The following SLC9A9 variants were observed in gnomAD, a reference collection of about 807,000 sequenced individuals.
SLC9A9 encodes the protein solute carrier family 9 member A9, also known as sodium/hydrogen exchanger 9.
A neutral mutation model predicts 77.8 loss-of-function variants in SLC9A9; 62 were observed. The ratio of observed to expected loss-of-function variants is 0.80; its 90% CI spans 0.65 to 0.98. SLC9A9 has a LOEUF of 0.98. SLC9A9 is among the 50% of genes least tolerant of loss of function. The pLI, the probability that SLC9A9 is intolerant of heterozygous loss-of-function variation, is 0.00. For missense variants in SLC9A9, 775 were observed against 774.9 expected, an observed-to-expected ratio of 1.00 and a Z score of 0.00; for synonymous variants, 320 against 283.5, an observed-to-expected ratio of 1.13 and a Z score of -1.29.
At chr3:143,656,511 G>T (rs58758962) in intron 5 of SLC9A9, among the ~76,000 whole-genome samples, 16,324 of 152,150 alleles carry the variant, frequency 0.11, 1,055 homozygotes, top group African/African-American at 0.16. Context: ...TCTTTAGGGT[G>T]ATTTAGTGAC....
At chr3:143,302,502 A>G (rs1335060039) in intron 14 of SLC9A9, among the ~76,000 whole-genome samples, 1 of 152,212 alleles carries the variant, frequency 6.6e-6, no homozygotes, top group African/African-American at 2.4e-5. Flanking sequence ...GATGCAGGAA[A>G]GGCTGGGAGT....
intron 6 of SLC9A9, among the ~76,000 whole-genome samples, chr3:143,610,280 C>T (rs2038003524): frequency 6.6e-6 from 1 of 152,110 alleles, no homozygotes; most frequent in Non-Finnish European, 1.5e-5. Context: ...TCCCCATTAG[C>T]TGGGACTACA....
chr3:143,705,429 A>G (rs1933944420), intron 4 of SLC9A9, among the ~76,000 whole-genome samples: 1 of 152,156 alleles, frequency 6.6e-6, no homozygotes, highest in Non-Finnish European at 1.5e-5. Flanking sequence ...TTGATTATAC[A>G]TTTTTAAATA....
intron 6 of SLC9A9, 93 bp downstream of exon 6, chr3:143,652,162 G>C: frequency 9.8e-7 from 1 of 1,024,922 alleles, no homozygotes; most frequent in South Asian, 1.4e-5. Context: ...AAAAGCTAGA[G>C]ACTGCCCGTA....
chr3:143,687,225 AAAT>A lies in SLC9A9; in HGVS notation c.649+5964_649+5966del, dbSNP rs766014226. ...TATCCATAAAAGATGAATATGAAGGAAATAATAACAGCTAGCTAATATTTAGCT... is the reference window on the plus strand; with the variant it reads ...TATCCATAAAAGATGAATATGAAGGAAATAACAGCTAGCTAATATTTAGCT... On this transcript the variant is annotated intron_variant, in intron 5 of 15. Coordinates refer to ENST00000316549, the MANE Select transcript of SLC9A9 (RefSeq NM_173653.4). Among the ~76,000 whole-genome samples, 162 of 152,302 alleles carry A rather than the reference AAAT, an allele frequency of 1.1e-3. 4 individuals are homozygous for A. The highest frequency in any genetic ancestry group is 5.1e-4 in the Non-Finnish European group (35 of 68,020).
At chr3:143,319,988 C>A (rs936878731) in intron 14 of SLC9A9, among the ~76,000 whole-genome samples, 4 of 152,192 alleles carry the variant, frequency 2.6e-5, no homozygotes. Context: ...CACTGCTTCA[C>A]GATTTTTGCC....
chr3:143,799,920 TA>T (rs1371408218), intron 2 of SLC9A9, among the ~76,000 whole-genome samples: 1 of 152,196 alleles, frequency 6.6e-6, no homozygotes, highest in African/African-American at 2.4e-5. Context: ...TTTGCCTCCA[TA>T]ACTGTTGTGG....
intron 2 of SLC9A9, among the ~76,000 whole-genome samples, chr3:143,821,573 T>C (rs949080011): frequency 5.3e-5 from 8 of 152,218 alleles, no homozygotes; most frequent in African/African-American, 1.4e-4. Context: ...TGTTTAGATA[T>C]TTCCAATTCT....
At chr3:143,763,258 G>T (rs1457912439) in intron 4 of SLC9A9, among the ~76,000 whole-genome samples, 1 of 152,020 alleles carries the variant, frequency 6.6e-6, no homozygotes, top group Non-Finnish European at 1.5e-5. Context: ...ACCCACAATG[G>T]CATTCAAATA....
At chr3:143,385,500 A>T (rs567815746) in intron 12 of SLC9A9, among the ~76,000 whole-genome samples, 1 of 152,288 alleles carries the variant, frequency 6.6e-6, no homozygotes, top group South Asian at 2.1e-4. Context: ...CATGCCAACT[A>T]CATCTGTATC....
intron 8 of SLC9A9, among the ~76,000 whole-genome samples, chr3:143,565,763 T>G (rs1190139701): frequency 6.6e-6 from 1 of 151,980 alleles, no homozygotes; most frequent in Non-Finnish European, 1.5e-5. Flanking sequence ...CATTTGTTGG[T>G]GAATTGTTGG....
intron 5 of SLC9A9, among the ~76,000 whole-genome samples, chr3:143,690,473 G>A (rs544056935): frequency 1.6e-4 from 24 of 152,208 alleles, no homozygotes; most frequent in Non-Finnish European, 2.9e-4. Context: ...GGAAAGAAAG[G>A]TAATTCCTAG....
At chr3:143,826,775 C>G (rs2009310348) in intron 2 of SLC9A9, among the ~76,000 whole-genome samples, 1 of 152,140 alleles carries the variant, frequency 6.6e-6, no homozygotes, top group African/African-American at 2.4e-5. Context: ...TGGAATTCCT[C>G]CCCTCTGTCC....
chr3:143,563,776 A>C (rs1292055375), intron 8 of SLC9A9, among the ~76,000 whole-genome samples: 1 of 152,202 alleles, frequency 6.6e-6, no homozygotes, highest in East Asian at 1.9e-4. Context: ...TCTGGCAAGC[A>C]TTGCTCTAGA....
chr3:143,738,788 A>G (rs1193922510), intron 4 of SLC9A9, among the ~76,000 whole-genome samples: 4 of 152,200 alleles, frequency 2.6e-5, no homozygotes, highest in African/African-American at 9.6e-5. Context: ...AGAATTTAGG[A>G]AAGTACGTTA....
intron 9 of SLC9A9, among the ~76,000 whole-genome samples, chr3:143,529,936 G>A (rs1470402178): frequency 2.0e-5 from 3 of 152,134 alleles, no homozygotes; most frequent in African/African-American, 7.2e-5. Flanking sequence ...ATGACTCTAG[G>A]ACGGAAGAAT....
chr3:143,310,575 T>A (rs2030981230), intron 14 of SLC9A9, among the ~76,000 whole-genome samples: 1 of 150,628 alleles, frequency 6.6e-6, no homozygotes, highest in Non-Finnish European at 1.5e-5. Context: ...TTTGTACGAA[T>A]TTTAGAAATG....
In SLC9A9 at chr3:143,543,459, C is replaced by G. The variant is rs1576566170; in HGVS notation, c.1089+8903G>C. 2.0e-5 allele frequency among the ~76,000 whole-genome samples: 3 copies of G among 151,728 alleles called. No homozygotes were observed. The East Asian group carries it at 5.8e-4, about 29-fold the overall frequency. ...TTGTTACATGGCATATTGCATGATG[C>G]TGAAGTTAGGGGTACGGCTGATCCT... On this transcript the variant is annotated intron_variant, in intron 9 of 15. Transcript: ENST00000316549.
At chr3:143,788,536 T>C (rs1029567379) in intron 4 of SLC9A9, among the ~76,000 whole-genome samples, 8 of 151,674 alleles carry the variant, frequency 5.3e-5, no homozygotes, top group Non-Finnish European at 2.9e-5. Flanking sequence ...ACTAAAACTA[T>C]GAAATTAGCT....
Sources: allele counts gnomAD v4.1 joint callset (sites outside exome capture counted in the v4.1 genomes callset), GRCh38; gene constraint gnomAD v4.1.1; transcripts MANE v1.5; gene names NCBI Gene and HGNC (gene_info 2026-07-23, HGNC 2026-07-21).